CSMD1: variants seen among roughly 807,000 people sequenced by gnomAD.
CSMD1 encodes CUB and sushi domain-containing protein 1.
In CSMD1, 213 loss-of-function variants were observed where a neutral mutation model predicts 417.5. The observed-to-expected ratio is 0.51, with a 90% CI of 0.46 to 0.57. The LOEUF (loss-of-function observed/expected upper bound fraction) is 0.57. Among genes scored for constraint, CSMD1 ranks in the 20% least tolerant of loss-of-function variants. The pLI, the probability that CSMD1 is intolerant of heterozygous loss-of-function variation, is 0.00. For missense variants in CSMD1, 6,923 were observed against 4,529.7 expected (o/e 1.53, Z -15.17); for synonymous variants, 2,862 against 1,736.8 (o/e 1.65, Z -16.11).
At chr8:3,312,900 C>G (rs986877710) in intron 23 of CSMD1, among the ~76,000 whole-genome samples, 1 of 152,180 alleles carries the variant, frequency 6.6e-6, no homozygotes, top group Admixed American at 6.5e-5. Context: ...CTGTTTCCCT[C>G]TCTGCAAATT....
Position 4,185,619 on chromosome 8 carries a change from G to A in CSMD1, c.416-153520C>T, listed in dbSNP as rs535903838. On this transcript the variant is annotated intron_variant, in intron 3 of 69. Transcript: ENST00000635120. ...AATGTGCTGATTTATGAAATTGCAC[G>A]TTATTTAAATAGCTAATGTAAAAAG... 4.8e-4 allele frequency among the ~76,000 whole-genome samples: 73 copies of A among 152,248 alleles called. No homozygotes were observed. In the South Asian group the frequency reaches 7.9e-3, roughly 16 times the overall value.
intron 10 of CSMD1, among the ~76,000 whole-genome samples, chr8:3,532,728 G>C (rs896051212): frequency 1.8e-4 from 27 of 152,194 alleles, no homozygotes; most frequent in African/African-American, 6.0e-4. Context: ...AACACTTTCA[G>C]TATGTCATAT....
intron 3 of CSMD1, among the ~76,000 whole-genome samples, chr8:4,177,660 C>A (rs1482515893): frequency 7.2e-6 from 1 of 139,638 alleles, no homozygotes; most frequent in Admixed American, 7.4e-5. Flanking sequence ...TTGAAAAGAT[C>A]AACAAAATTG....
At chr8:4,370,974 T>C (rs914687852) in intron 3 of CSMD1, among the ~76,000 whole-genome samples, 1 of 152,192 alleles carries the variant, frequency 6.6e-6, no homozygotes, top group African/African-American at 2.4e-5. Context: ...GCTAGTGTGA[T>C]TGTTTGGAGG....
intron 1 of CSMD1, among the ~76,000 whole-genome samples, chr8:4,984,727 T>G (rs1400849275): frequency 5.9e-5 from 9 of 152,228 alleles, no homozygotes; most frequent in South Asian, 2.1e-4. Flanking sequence ...TCTATGTGGG[T>G]AGAAGATCCT....
intron 1 of CSMD1, among the ~76,000 whole-genome samples, chr8:4,983,932 T>C (rs1811036562): frequency 6.6e-6 from 1 of 151,984 alleles, no homozygotes; most frequent in Non-Finnish European, 1.5e-5. Context: ...AATAGAAAAC[T>C]CCTCAATGGC....
intron 7 of CSMD1, among the ~76,000 whole-genome samples, chr8:3,650,680 G>C (rs17066783): frequency 0.014 from 2,154 of 152,284 alleles, 30 homozygotes; most frequent in Non-Finnish European, 0.024. Context: ...GTTCGAAGTG[G>C]TAAATTATCA....
chr8:2,964,059 C>A (rs1176552638), intron 59 of CSMD1, among the ~76,000 whole-genome samples: 1 of 152,130 alleles, frequency 6.6e-6, no homozygotes, highest in Admixed American at 6.5e-5. Context: ...TACTAAAATG[C>A]ACAAAGGGAG....
At chr8:4,376,739 A>T (rs888791764) in intron 3 of CSMD1, among the ~76,000 whole-genome samples, 1 of 152,178 alleles carries the variant, frequency 6.6e-6, no homozygotes, top group Non-Finnish European at 1.5e-5. Flanking sequence ...GCACTGCTTT[A>T]TTCACCCAGC....
intron 3 of CSMD1, among the ~76,000 whole-genome samples, chr8:4,239,925 G>T (rs139066497): frequency 6.6e-6 from 1 of 152,176 alleles, no homozygotes; most frequent in Non-Finnish European, 1.5e-5. Flanking sequence ...AGTTGAATTA[G>T]TAAGTCATAA....
chr8:4,727,659 C>G (rs1417624776), intron 1 of CSMD1, among the ~76,000 whole-genome samples: 3 of 151,990 alleles, frequency 2.0e-5, no homozygotes, highest in African/African-American at 7.3e-5. Context: ...TCCACGGGGA[C>G]CAGCTCTACT....
intron 3 of CSMD1, among the ~76,000 whole-genome samples, chr8:4,137,287 T>G (rs1054370907): frequency 2.0e-5 from 3 of 152,206 alleles, no homozygotes; most frequent in Non-Finnish European, 4.4e-5. Context: ...GGTCTAATTT[T>G]AATCAAAATA....
At chr8:3,029,241 G>C in intron 51 of CSMD1, 78 bp downstream of exon 51, 4 of 1,191,866 alleles carry the variant, frequency 3.4e-6, no homozygotes, top group Non-Finnish European at 4.6e-6. Context: ...CTCCACTAGA[G>C]AAGCTCACCA....
At chr8:4,393,646 G>C (rs1176022727) in intron 3 of CSMD1, among the ~76,000 whole-genome samples, 1 of 152,124 alleles carries the variant, frequency 6.6e-6, no homozygotes, top group Non-Finnish European at 1.5e-5. Context: ...GAAAAGACGT[G>C]AGCACTAGCC....
intron 40 of CSMD1, among the ~76,000 whole-genome samples, chr8:3,145,640 C>T (rs1163323091): frequency 6.6e-6 from 1 of 152,184 alleles, no homozygotes; most frequent in Non-Finnish European, 1.5e-5. Flanking sequence ...CAGAGCCCAG[C>T]TCTAATCTGG....
At chr8:3,087,830 T>C (rs2129006482) in intron 48 of CSMD1, among the ~76,000 whole-genome samples, 1 of 152,324 alleles carries the variant, frequency 6.6e-6, no homozygotes, top group East Asian at 1.9e-4. Flanking sequence ...AATAAGCACA[T>C]CTGTCACCAG....
chr8:4,433,130 T>G (rs1358726769), intron 2 of CSMD1, among the ~76,000 whole-genome samples: 1 of 152,212 alleles, frequency 6.6e-6, no homozygotes, highest in African/African-American at 2.4e-5. Context: ...ACTGACCAGT[T>G]GCAGAAAAAC....
rs189887227 is a variant in CSMD1, at chr8:3,595,304, C to T, written c.1098-9044G>A. Among the ~76,000 whole-genome samples the T allele has an allele frequency of 1.8e-4, 27 of 152,328 alleles. No individual in the cohort carries two copies. The East Asian group carries it at 5.2e-3, about 29-fold the overall frequency. ...TGCTCAGCATTCCAGAAAATGCCAT[C>T]ATCGGAGAGATGAATGTGCATCTGC... On this transcript the variant is annotated intron_variant, in intron 8 of 69. Transcript: ENST00000635120.
chr8:4,501,925 C>G (rs1260804731), intron 2 of CSMD1, among the ~76,000 whole-genome samples: 3 of 152,120 alleles, frequency 2.0e-5, no homozygotes, highest in African/African-American at 7.2e-5. Flanking sequence ...GGTTTTGGAA[C>G]ATACCCCCCT....
Sources: gnomAD v4.1 joint callset for allele counts (sites outside exome capture counted in the v4.1 genomes callset) on GRCh38, gnomAD v4.1.1 for gene constraint, MANE v1.5 for transcripts, NCBI Gene and HGNC (gene_info 2026-07-23, HGNC 2026-07-21) for gene names.